ADGRL2: variants seen among roughly 807,000 people sequenced by gnomAD.
ADGRL2 encodes the protein calcium-independent alpha-latrotoxin receptor 2.
Under a neutral mutation model 157.4 loss-of-function variants are expected in ADGRL2, and 44 were observed. The ratio of observed to expected loss-of-function variants is 0.28; its 90% CI spans 0.22 to 0.36. The LOEUF (loss-of-function observed/expected upper bound fraction) is 0.36, where lower values mean the gene tolerates loss of function less well. Ranked by LOEUF, ADGRL2 falls within the 10% of genes least tolerant of loss-of-function variation. ADGRL2 has a pLI of 1.00. For synonymous variants in ADGRL2, 585 were observed against 624.7 expected (o/e 0.94, Z 0.95); for missense variants, 1,510 against 1,768.9 (o/e 0.85, Z 2.63).
In ADGRL2 at chr1:81,992,328, C is replaced by G. The variant is rs545341345; in HGVS notation, c.*1183C>G. 7 of 152,262 alleles carry G rather than the reference C, an allele frequency of 4.6e-5. No homozygotes were observed. Among genetic ancestry groups the G allele is most frequent in the Admixed American group, 3.9e-4 (6 of 15,226 alleles). The allele number at this position is 152,262 out of a possible 1,614,324, so 9.4% of individuals were successfully genotyped here. ...AGCAAAATTCTGCTTTTTTTTCATC[C>G]CTTTGTGTAAACCTGTTAATAATGA... On this transcript the variant is annotated 3_prime_UTR_variant, in exon 24 of 24. Coordinates refer to ENST00000686636, the MANE Select transcript of ADGRL2 (RefSeq NM_001366006.2).
intron 12 of ADGRL2, 97 bp downstream of exon 12, chr1:81,966,280 G>C: frequency 2.6e-6 from 4 of 1,543,932 alleles, no homozygotes; most frequent in Non-Finnish European, 1.8e-6. Context: ...ACAAAAAAAC[G>C]GCTTACCATT....
chr1:81,398,042 A>C (rs1274116507), intron 1 of ADGRL2, among the ~76,000 whole-genome samples: 1 of 152,102 alleles, frequency 6.6e-6, no homozygotes, highest in East Asian at 1.9e-4. Flanking sequence ...CTCTTGCTGA[A>C]TGGATCCCTT....
At chr1:81,420,384 CA>C (rs796641609) in intron 1 of ADGRL2, among the ~76,000 whole-genome samples, 1 of 152,018 alleles carries the variant, frequency 6.6e-6, no homozygotes, top group Non-Finnish European at 1.5e-5. Flanking sequence ...AAAACTAGAG[CA>C]AAAAAGCCTT....
chr1:81,708,775 A>G (rs1363825824), intron 1 of ADGRL2, among the ~76,000 whole-genome samples: 1 of 152,008 alleles, frequency 6.6e-6, no homozygotes, highest in Non-Finnish European at 1.5e-5. Flanking sequence ...CATTTTATTT[A>G]TATACTTCAG....
At chr1:81,623,635 C>CTT (rs752595573) in intron 3 of ADGRL2, among the ~76,000 whole-genome samples, 23,091 of 118,842 alleles carry the variant, frequency 0.19, 3,020 homozygotes, top group East Asian at 0.31. Flanking sequence ...TGATATCTTC[C>CTT]TTTTTTTTTT....
At position 81,357,227 on chromosome 1, in the gene ADGRL2, C is replaced by A. The variant is rs12027072; in HGVS notation, c.-302+50718C>A. On this transcript the variant is annotated intron_variant, in intron 1 of 24. Transcript: ENST00000370721. ...TTTGGACTTTCTCAGGCCTTGCTCA[C>A]TCTTTGCACCATGATTTATGTTCAT... Among the ~76,000 whole-genome samples, 324 of 152,066 alleles carry A rather than the reference C, an allele frequency of 2.1e-3. 1 individual carries two copies. The highest frequency in any genetic ancestry group is 3.9e-3 in the Non-Finnish European group (263 of 67,994).
chr1:81,761,991 A>G (rs2085896946), intron 2 of ADGRL2: 1 of 152,092 alleles, frequency 6.6e-6, no homozygotes, highest in Non-Finnish European at 1.5e-5. Context: ...ACTTTTGCAA[A>G]TAAATGGATG....
chr1:81,825,373 G>A (rs2149965475), intron 1 of ADGRL2, among the ~76,000 whole-genome samples: 1 of 151,450 alleles, frequency 6.6e-6, no homozygotes, highest in Admixed American at 6.6e-5. Flanking sequence ...TTTTTGAGAT[G>A]GAGTCTTGCT....
At chr1:81,565,849 C>A (rs1318156219) in intron 2 of ADGRL2, among the ~76,000 whole-genome samples, 1 of 152,062 alleles carries the variant, frequency 6.6e-6, no homozygotes, top group Non-Finnish European at 1.5e-5. Flanking sequence ...TTTAGGTACA[C>A]TAAAACAATC....
intron 11 of ADGRL2, among the ~76,000 whole-genome samples, chr1:81,964,875 C>T (rs762897926): frequency 5.9e-5 from 9 of 151,782 alleles, no homozygotes; most frequent in Non-Finnish European, 8.8e-5. Context: ...TAGATTTCAT[C>T]AATAAAATGT....
intron 11 of ADGRL2, among the ~76,000 whole-genome samples, chr1:81,965,229 T>C (rs1372253608): frequency 6.6e-6 from 1 of 152,210 alleles, no homozygotes; most frequent in Non-Finnish European, 1.5e-5. Flanking sequence ...GTATATATTT[T>C]AGGCTTTGCA....
chr1:81,726,039 G>T (rs1220943260), intron 1 of ADGRL2, among the ~76,000 whole-genome samples: 2 of 152,108 alleles, frequency 1.3e-5, no homozygotes, highest in Admixed American at 6.6e-5. Flanking sequence ...TCCGCAGGTG[G>T]TCTTTAGGCA....
chr1:81,848,811 T>C (rs2092898161), intron 2 of ADGRL2, among the ~76,000 whole-genome samples: 1 of 151,962 alleles, frequency 6.6e-6, no homozygotes, highest in Admixed American at 6.6e-5. Context: ...AACCATTAAC[T>C]GTCAGAACAC....
intron 3 of ADGRL2, among the ~76,000 whole-genome samples, chr1:81,671,282 G>A (rs1402410843): frequency 6.6e-6 from 1 of 152,156 alleles, no homozygotes; most frequent in Non-Finnish European, 1.5e-5. Context: ...GGAAATTTTT[G>A]GAAGTGCTTG....
chr1:81,765,441 T>G (rs1449555027), intron 2 of ADGRL2, among the ~76,000 whole-genome samples: 1 of 152,046 alleles, frequency 6.6e-6, no homozygotes, highest in Non-Finnish European at 1.5e-5. Context: ...CTTTCTGATT[T>G]GTAAGTGTGC....
At chr1:81,836,858 T>A (rs1419152332) in intron 1 of ADGRL2, 27 bp from the exon 2 acceptor site, 2 of 574,724 alleles carry the variant, frequency 3.5e-6, no homozygotes, top group Non-Finnish European at 6.2e-6. Context: ...GACCATAGAG[T>A]AAGTGATGGA....
intron 2 of ADGRL2, among the ~76,000 whole-genome samples, chr1:81,881,491 G>A (rs898543634): frequency 6.6e-6 from 1 of 152,120 alleles, no homozygotes; most frequent in African/African-American, 2.4e-5. Context: ...TCAAATATTA[G>A]TCCCATGTTC....
intron 3 of ADGRL2, among the ~76,000 whole-genome samples, chr1:81,677,878 A>G (rs539551555): frequency 8.5e-5 from 13 of 152,278 alleles, no homozygotes; most frequent in Non-Finnish European, 1.5e-4. Flanking sequence ...CACGCAAGGG[A>G]CTTCATCACT....
intron 3 of ADGRL2, among the ~76,000 whole-genome samples, chr1:81,600,007 C>A (rs757157109): frequency 6.6e-6 from 1 of 152,162 alleles, no homozygotes; most frequent in Non-Finnish European, 1.5e-5. Context: ...ATCAAATTGC[C>A]TTTACAAGAG....
Sources: allele counts gnomAD v4.1 joint callset (sites outside exome capture counted in the v4.1 genomes callset), GRCh38; gene constraint gnomAD v4.1.1; transcripts MANE v1.5; gene names NCBI Gene and HGNC (gene_info 2026-07-23, HGNC 2026-07-21).